SPOCK3: variants seen among roughly 807,000 people sequenced by gnomAD.
SPOCK3 encodes the protein SPARC (osteonectin), cwcv and kazal like domains proteoglycan 3, also known as testican-3.
Under a neutral mutation model 56.6 loss-of-function variants are expected in SPOCK3, and 30 were observed. That is an observed-to-expected ratio of 0.53 (90% CI 0.40 to 0.72). SPOCK3 has a LOEUF of 0.72. SPOCK3 is among the 30% of genes least tolerant of loss of function. The probability of loss-of-function intolerance (pLI) is 0.00; values close to 1 mark genes in which losing one functional copy is unlikely to be tolerated. For synonymous variants in SPOCK3, 196 were observed against 183.3 expected (o/e 1.07, Z -0.56); for missense variants, 527 against 530.0 (o/e 0.99, Z 0.06).
chr4:167,162,297 T>C (rs1294909372), intron 2 of SPOCK3, among the ~76,000 whole-genome samples: 1 of 152,060 alleles, frequency 6.6e-6, no homozygotes, highest in Non-Finnish European at 1.5e-5. Context: ...CTGCCTTTGT[T>C]ATAGGAGACT....
intron 7 of SPOCK3, among the ~76,000 whole-genome samples, chr4:166,789,671 T>C (rs9312234): frequency 0.069 from 10,550 of 152,216 alleles, 1,092 homozygotes; most frequent in African/African-American, 0.22. Flanking sequence ...TAGTTCCCCC[T>C]ATTTTTTAAT....
intron 4 of SPOCK3, among the ~76,000 whole-genome samples, chr4:166,971,684 A>T (rs1745399375): frequency 6.6e-6 from 1 of 152,094 alleles, no homozygotes; most frequent in South Asian, 2.1e-4. Flanking sequence ...TAAGAATATA[A>T]CTCCTCTAAC....
intron 3 of SPOCK3, among the ~76,000 whole-genome samples, chr4:167,017,837 A>T (rs1750772548): frequency 6.6e-6 from 1 of 152,120 alleles, no homozygotes; most frequent in African/African-American, 2.4e-5. Flanking sequence ...CTTTAAAAAA[A>T]TTAAAAACAG....
intron 8 of SPOCK3, among the ~76,000 whole-genome samples, chr4:166,746,106 G>C (rs1403326287): frequency 6.6e-6 from 1 of 152,122 alleles, no homozygotes; most frequent in Non-Finnish European, 1.5e-5. Context: ...AAGATATCCA[G>C]GCCTTGAACT....
chr4:166,969,624 T>C (rs1745155618), intron 4 of SPOCK3, among the ~76,000 whole-genome samples: 1 of 151,704 alleles, frequency 6.6e-6, no homozygotes, highest in South Asian at 2.1e-4. Flanking sequence ...GCTTCCTCTT[T>C]GCCCTTCTAC....
intron 6 of SPOCK3, among the ~76,000 whole-genome samples, chr4:166,814,431 C>G (rs1344718484): frequency 6.6e-6 from 1 of 152,008 alleles, no homozygotes; most frequent in Non-Finnish European, 1.5e-5. Context: ...GGAAGACCCA[C>G]CCTCATTAGG....
At chr4:167,173,852 C>G (rs532399485) in intron 2 of SPOCK3, among the ~76,000 whole-genome samples, 2 of 152,204 alleles carry the variant, frequency 1.3e-5, no homozygotes, top group African/African-American at 4.8e-5. Context: ...ATTGCTGAAA[C>G]AGAGAATCCC....
At chr4:167,024,669 A>G (rs1751527450) in intron 3 of SPOCK3, among the ~76,000 whole-genome samples, 2 of 152,158 alleles carry the variant, frequency 1.3e-5, no homozygotes, top group East Asian at 3.9e-4. Context: ...AGACATGAGA[A>G]TAATACAATA....
intron 6 of SPOCK3, among the ~76,000 whole-genome samples, chr4:166,878,635 A>T (rs1308427204): frequency 6.6e-6 from 1 of 152,170 alleles, no homozygotes; most frequent in Non-Finnish European, 1.5e-5. Context: ...CTTGGTAAAA[A>T]TAATACAAAT....
chr4:167,111,169 A>G (rs2150347263), intron 2 of SPOCK3, among the ~76,000 whole-genome samples: 1 of 152,208 alleles, frequency 6.6e-6, no homozygotes, highest in South Asian at 2.1e-4. Context: ...TATACTTTAT[A>G]TGAAATTATT....
chr4:166,999,983 T>C (rs1479596513), intron 4 of SPOCK3, among the ~76,000 whole-genome samples: 1 of 151,348 alleles, frequency 6.6e-6, no homozygotes, highest in Non-Finnish European at 1.5e-5. Flanking sequence ...TCTAACTTTC[T>C]AACTCTCTCC....
At chr4:166,798,526 G>A (rs1419011539) in intron 6 of SPOCK3, among the ~76,000 whole-genome samples, 1 of 152,192 alleles carries the variant, frequency 6.6e-6, no homozygotes, top group Non-Finnish European at 1.5e-5. Context: ...CAAGAACAAA[G>A]TGACAGAAGC....
At position 167,055,377 on chromosome 4, in the gene SPOCK3, A is replaced by C. The variant is rs184477284; in HGVS notation, c.235+7115T>G. Reference sequence around the variant, plus strand: ...CTACAGCTCCCAGCGTGAGCAACGCAGAAGATGGGTGATTTCTGCATTTCC... The same window carrying C: ...CTACAGCTCCCAGCGTGAGCAACGCCGAAGATGGGTGATTTCTGCATTTCC... On this transcript the variant is annotated intron_variant, in intron 3 of 10. Coordinates refer to ENST00000357545, the MANE Select transcript of SPOCK3 (RefSeq NM_001040159.2). 8.1e-4 allele frequency among the ~76,000 whole-genome samples: 123 copies of C among 152,346 alleles called. 1 individual carries two copies. The East Asian group carries it at 0.02, about 25-fold the overall frequency.
chr4:167,084,235 T>C (rs1284560321), intron 2 of SPOCK3, among the ~76,000 whole-genome samples: 2 of 152,148 alleles, frequency 1.3e-5, no homozygotes, highest in Non-Finnish European at 2.9e-5. Context: ...ATGATATAGT[T>C]GATCATTGCC....
intron 4 of SPOCK3, among the ~76,000 whole-genome samples, chr4:166,915,819 C>T (rs2127111826): frequency 6.6e-6 from 1 of 152,222 alleles, no homozygotes; most frequent in Admixed American, 6.5e-5. Context: ...TTCGAGCATA[C>T]ATCTAATTTT....
intron 3 of SPOCK3, among the ~76,000 whole-genome samples, chr4:167,026,960 A>G (rs961944157): frequency 3.3e-5 from 5 of 151,358 alleles, no homozygotes; most frequent in Admixed American, 2.7e-4. Flanking sequence ...AGAATTTTCT[A>G]TCCTTACCTC....
In SPOCK3 at chr4:167,051,519, T is replaced by G. The variant is rs149157590; in HGVS notation, c.235+10973A>C. ...CAGGAAGGACATGGGCAGACAATCA[T>G]TAGCAGTATACAACAACTTTCAAAC... is the stretch of plus-strand genomic sequence containing the variant. On this transcript the variant is annotated intron_variant, in intron 3 of 10. Coordinates refer to ENST00000357545, the MANE Select transcript of SPOCK3 (RefSeq NM_001040159.2). Among the ~76,000 whole-genome samples the G allele has an allele frequency of 1.6e-4, 24 of 152,346 alleles. No individual in the cohort carries two copies. In the East Asian group the frequency reaches 4.6e-3, roughly 29 times the overall value.
chr4:166,951,221 T>C (rs1579771131), intron 4 of SPOCK3, among the ~76,000 whole-genome samples: 2 of 141,830 alleles, frequency 1.4e-5, no homozygotes, highest in South Asian at 2.2e-4. Flanking sequence ...AAGAATCAAA[T>C]AGATGCAATA....
At chr4:167,226,783 G>C (rs568848533) in intron 2 of SPOCK3, among the ~76,000 whole-genome samples, 139 of 152,194 alleles carry the variant, frequency 9.1e-4, no homozygotes, top group Non-Finnish European at 1.6e-3. Context: ...GCCATTAATA[G>C]AGAAGCTTGC....
Sources: allele counts gnomAD v4.1 joint callset (sites outside exome capture counted in the v4.1 genomes callset), GRCh38; gene constraint gnomAD v4.1.1; transcripts MANE v1.5; gene names NCBI Gene and HGNC (gene_info 2026-07-23, HGNC 2026-07-21).